Variants in ABCG2 observed in about 807,000 individuals in gnomAD.
The protein encoded by ABCG2 is broad substrate specificity ATP-binding cassette transporter ABCG2.
A neutral mutation model predicts 73.5 loss-of-function variants in ABCG2; 80 were observed. The ratio of observed to expected loss-of-function variants is 1.09; its 90% confidence interval spans 0.91 to 1.31. The LOEUF (loss-of-function observed/expected upper bound fraction) is 1.31, where lower values mean the gene tolerates loss of function less well. Among genes scored for constraint, ABCG2 ranks in the 50% most tolerant of loss-of-function variants. The pLI is 0.00. For missense variants in ABCG2, 796 were observed against 786.2 expected, an observed-to-expected ratio of 1.01 and a Z score of -0.15; for synonymous variants, 269 against 282.4, an observed-to-expected ratio of 0.95 and a Z score of 0.48.
chr4:88,142,570 A>T (rs1725715947), intron 1 of ABCG2, among the ~76,000 whole-genome samples: 2 of 152,228 alleles, frequency 1.3e-5, no homozygotes, highest in African/African-American at 4.8e-5. Context: ...CTCTTGAAGC[A>T]GTGAAAGAGA....
intron 10 of ABCG2, among the ~76,000 whole-genome samples, chr4:88,102,719 A>T (rs1183545099): frequency 6.6e-6 from 1 of 152,168 alleles, no homozygotes; most frequent in East Asian, 1.9e-4. Flanking sequence ...ACAAAACAAT[A>T]TAATTGACAG....
At chr4:88,125,613 A>AAAAAAC (rs1724348463) in intron 5 of ABCG2, among the ~76,000 whole-genome samples, 1 of 145,156 alleles carries the variant, frequency 6.9e-6, no homozygotes, top group Non-Finnish European at 1.5e-5. Flanking sequence ...GTCTCAAAAA[A>AAAAAAC]AAAAAAAAAA....
chr4:88,161,012 CA>C (rs991557548), upstream of ABCG2, among the ~76,000 whole-genome samples: 18 of 147,758 alleles, frequency 1.2e-4, 1 homozygote, highest in Middle Eastern at 3.4e-3. Flanking sequence ...CCTATCTCTA[CA>C]AAAAAAAAAT....
At position 88,158,501 on chromosome 4, in the gene ABCG2, CCAAA is replaced by C. The variant is rs1331197410; in HGVS notation, c.-139_-136del. 2.2e-6 allele frequency: 1 copy of C among 456,256 alleles called. No individual in the cohort carries two copies. Among genetic ancestry groups the C allele is most frequent in the African/African-American group, 2.0e-5 (1 of 50,068 alleles). 28.3% of individuals were successfully genotyped at this position (456,256 alleles called of 1,614,324 possible). A position where few individuals can be genotyped will look rare whatever the true frequency, so the allele number is the denominator to read the frequency against. The stretch of plus-strand genomic sequence containing the variant: ...TGTTGGGATGAGTCACCCGGACCTT[CCAAA>C]CAAACTCTAAAGCAGCAGTTTCCAC... On this transcript the variant is annotated 5_prime_UTR_variant, in exon 1 of 16. Coordinates refer to ENST00000237612, the MANE Select transcript of ABCG2 (RefSeq NM_004827.3).
intron 1 of ABCG2, among the ~76,000 whole-genome samples, chr4:88,141,579 C>T (rs1395837361): frequency 6.6e-6 from 1 of 152,120 alleles, no homozygotes; most frequent in Non-Finnish European, 1.5e-5. Context: ...AACCAGTCTA[C>T]TCAATCATGG....
At chr4:88,157,949 G>C (rs1407530701) in intron 1 of ABCG2, among the ~76,000 whole-genome samples, 1 of 152,172 alleles carries the variant, frequency 6.6e-6, no homozygotes, top group Non-Finnish European at 1.5e-5. Flanking sequence ...AAGCTTTAAA[G>C]GGATTGACCA....
At chr4:88,193,903 C>T (rs1271286345) in intron 1 of ABCG2, among the ~76,000 whole-genome samples, 1 of 152,068 alleles carries the variant, frequency 6.6e-6, no homozygotes, top group African/African-American at 2.4e-5. Flanking sequence ...TGCCACCACA[C>T]CTGGCTAATT....
rs549059745 is a variant in ABCG2, at chr4:88,219,216, G to A, written c.-20+11778C>T. Among the ~76,000 whole-genome samples, 3 of 152,274 alleles carry A rather than the reference G, an allele frequency of 2.0e-5. No homozygotes were observed. In the East Asian group the frequency reaches 5.8e-4, roughly 29 times the overall value. On this transcript the variant is annotated intron_variant, in intron 1 of 15. Coordinates refer to the ABCG2 transcript ENST00000515655. ...GTACATTTACTAACACAACCTCCAGGTGGAGCCCTTTCTTTTTTCTCAGTA... is the reference window on the plus strand; with the variant it reads ...GTACATTTACTAACACAACCTCCAGATGGAGCCCTTTCTTTTTTCTCAGTA...
rs140315203 is a variant in ABCG2 at position 88,208,950 on chromosome 4, C to T, written c.-20+22044G>A. Among the ~76,000 whole-genome samples the T allele has an allele frequency of 7.0e-3, 1,068 of 151,876 alleles. 13 individuals carry two copies. The highest frequency in any genetic ancestry group is 0.024 in the African/African-American group (1,001 of 41,412). ...CTGGGAGGCGGAGGTTACAGTGAGG[C>T]GAGATCACACCACTGCACTCCAGCC... On this transcript the variant is annotated intron_variant, in intron 1 of 15. Coordinates refer to the ABCG2 transcript ENST00000515655.
At chr4:88,209,330 A>C (rs1047520281) in intron 1 of ABCG2, among the ~76,000 whole-genome samples, 1 of 151,550 alleles carries the variant, frequency 6.6e-6, no homozygotes, top group Non-Finnish European at 1.5e-5. Flanking sequence ...AAAAAAACAA[A>C]AAAGCAAACA....
chr4:88,127,111 C>G (rs1724474740), intron 5 of ABCG2, among the ~76,000 whole-genome samples: 1 of 152,118 alleles, frequency 6.6e-6, no homozygotes. Flanking sequence ...GCAAAAATCA[C>G]AAGCATTCCT....
At chr4:88,127,979 A>C (rs1041866471) in intron 5 of ABCG2, among the ~76,000 whole-genome samples, 6 of 151,896 alleles carry the variant, frequency 4.0e-5, no homozygotes, top group African/African-American at 1.2e-4. Flanking sequence ...AACTATCTTC[A>C]GAGTGAACAG....
intron 1 of ABCG2, among the ~76,000 whole-genome samples, chr4:88,147,775 T>C (rs2110067705): frequency 6.6e-6 from 1 of 152,350 alleles, no homozygotes; most frequent in African/African-American, 2.4e-5. Flanking sequence ...GTAAGATTAC[T>C]GAACTGCCTA....
intron 1 of ABCG2, among the ~76,000 whole-genome samples, chr4:88,209,493 A>G (rs1729508537): frequency 6.6e-6 from 1 of 151,820 alleles, no homozygotes; most frequent in South Asian, 2.1e-4. Context: ...GTGAAATCCC[A>G]TCTCTACTAA....
intron 2 of ABCG2, among the ~76,000 whole-genome samples, chr4:88,139,189 G>T (rs1725451952): frequency 6.6e-6 from 1 of 150,976 alleles, no homozygotes; most frequent in South Asian, 2.1e-4. Context: ...GACTTCTAGT[G>T]CATCAAGTTA....
chr4:88,185,019 A>G (rs1430003339), intron 1 of ABCG2, among the ~76,000 whole-genome samples: 1 of 152,206 alleles, frequency 6.6e-6, no homozygotes, highest in Admixed American at 6.5e-5. Context: ...CTAGACCCCT[A>G]TCTCTTACCA....
chr4:88,195,058 A>T (rs1328391108), intron 1 of ABCG2, among the ~76,000 whole-genome samples: 2 of 152,212 alleles, frequency 1.3e-5, no homozygotes, highest in East Asian at 3.8e-4. Flanking sequence ...TATTCTCTAT[A>T]CTTCTTTTAC....
intron 1 of ABCG2, among the ~76,000 whole-genome samples, chr4:88,194,059 T>A (rs536876909): frequency 6.6e-6 from 1 of 152,244 alleles, no homozygotes; most frequent in African/African-American, 2.4e-5. Flanking sequence ...GTTTGAATTT[T>A]AAAAAAACAT....
intron 1 of ABCG2, among the ~76,000 whole-genome samples, chr4:88,216,350 C>T (rs369904321): frequency 2.6e-5 from 4 of 152,142 alleles, no homozygotes; most frequent in Non-Finnish European, 5.9e-5. Flanking sequence ...TTTTGTGCCG[C>T]GTGTACATCC....
Sources: gnomAD v4.1 joint callset for allele counts (sites outside exome capture counted in the v4.1 genomes callset) on GRCh38, gnomAD v4.1.1 for gene constraint, MANE v1.5 for transcripts, NCBI Gene and HGNC (gene_info 2026-07-23, HGNC 2026-07-21) for gene names.